INTS2: variants seen among roughly 807,000 people sequenced by gnomAD.
INTS2 encodes integrator complex subunit 2.
Under a neutral mutation model 139.6 loss-of-function variants are expected in INTS2, and 57 were observed. That is an observed-to-expected ratio of 0.41 (90% CI 0.33 to 0.51). The LOEUF (loss-of-function observed/expected upper bound fraction) is 0.51, where lower values mean the gene tolerates loss of function less well. Among genes scored for constraint, INTS2 ranks in the 20% least tolerant of loss-of-function variants. INTS2 has a pLI of 0.28. For synonymous variants in INTS2, 473 were observed against 493.4 expected (o/e 0.96, Z 0.55); for missense variants, 1,196 against 1,436.7 (o/e 0.83, Z 2.71).
intron 19 of INTS2, chr17:61,874,009 T>C (rs192435825): frequency 6.6e-6 from 1 of 152,332 alleles, no homozygotes; most frequent in Admixed American, 6.5e-5. Context: ...AGTACCTTCC[T>C]TGACTCCCTG....
At position 61,872,509 on chromosome 17, in the gene INTS2, T is replaced by G. The variant is rs777037006; in HGVS notation, c.2583-49A>C. On this transcript the variant is annotated intron_variant, in intron 19 of 24. Coordinates refer to ENST00000251334, the MANE Select transcript of INTS2 (RefSeq NM_001351695.2). The surrounding 1 kb of genome is among the most constrained non-coding windows in gnomAD (Gnocchi z 4.8). ...AAAATATATCAGAAAGAATATAAATTTATAAATTAGCCAGAACATGATCAA... is the reference window on the plus strand; with the variant it reads ...AAAATATATCAGAAAGAATATAAATGTATAAATTAGCCAGAACATGATCAA... The G allele has an allele frequency of 8.0e-7, 1 of 1,256,804 alleles. No homozygotes were observed. The highest frequency in any genetic ancestry group is 1.7e-5 in the South Asian group (1 of 59,232). The allele number at this position is 1,256,804 out of a possible 1,614,324, so 77.9% of individuals were successfully genotyped here.
chr17:61,925,402 A>C (rs1889571821), intron 2 of INTS2, among the ~76,000 whole-genome samples: 1 of 151,618 alleles, frequency 6.6e-6, no homozygotes, highest in African/African-American at 2.4e-5. Flanking sequence ...AATATGGTGA[A>C]ACCTCGTCTC....
chr17:61,899,394 G>A (rs1384894675), intron 9 of INTS2, among the ~76,000 whole-genome samples: 1 of 152,016 alleles, frequency 6.6e-6, no homozygotes, highest in Non-Finnish European at 1.5e-5. Flanking sequence ...GGGATTACAG[G>A]TGCCCACCAA....
Position 61,872,490 on chromosome 17 carries a change from T to C in INTS2, c.2583-30A>G, listed in dbSNP as rs774967511. 13 of 1,380,236 alleles carry C rather than the reference T, an allele frequency of 9.4e-6. No individual in the cohort carries two copies. In the East Asian group the frequency reaches 2.4e-4, roughly 26 times the overall value. The allele number at this position is 1,380,236 out of a possible 1,614,324, so 85.5% of individuals were successfully genotyped here. On this transcript the variant is annotated intron_variant, in intron 19 of 24. Transcript: ENST00000251334. This position sits in a 1 kb window ranked among gnomAD's most constrained non-coding sequence, Gnocchi z 4.8. ...ACAAGGAAAGCAGAAAAGAAAAATA[T>C]ATCAGAAAGAATATAAATTTATAAA...
Position 61,920,267 on chromosome 17 carries a change from C to T in INTS2, c.536-754G>A, listed in dbSNP as rs941773927. On this transcript the variant is annotated intron_variant, in intron 4 of 24. Coordinates refer to ENST00000251334, the MANE Select transcript of INTS2 (RefSeq NM_001351695.2). ...CGCAATCTCAGCTCACCGCAACCTC[C>T]GCCTCCAGAGTTCAAGCGATTCTCC... Among the ~76,000 whole-genome samples, 5 of 150,726 alleles carry T rather than the reference C, an allele frequency of 3.3e-5. No individual in the cohort carries two copies. In the East Asian group the frequency reaches 7.9e-4, roughly 24 times the overall value.
In INTS2 at chr17:61,920,472, G is replaced by A. The variant is rs1251083001; in HGVS notation, c.536-959C>T. On this transcript the variant is annotated intron_variant, in intron 4 of 24. Transcript: ENST00000251334. ...GCTGGGATTACAGGCGTGAGCCACC[G>A]TGCCTGGCCTATACTTTTTTTTTTT... Among the ~76,000 whole-genome samples the A allele has an allele frequency of 9.1e-5, 13 of 142,626 alleles. No individual in the cohort carries two copies. In the Middle Eastern group the frequency reaches 0.01, roughly 113 times the overall value. The allele number at this position is 142,626 out of a possible 152,430, so 93.6% of individuals were successfully genotyped here.
intron 7 of INTS2, chr17:61,910,429 C>T (rs1398034277): frequency 6.6e-6 from 1 of 152,034 alleles, no homozygotes; most frequent in Admixed American, 6.6e-5. Context: ...AACCCAGCCT[C>T]TACTCAAAAT....
chr17:61,897,784 C>G lies in INTS2; in HGVS notation c.1308-45G>C, dbSNP rs753562078. ...ATGTCACTGGTTTAAATTAGATATA[C>G]TAGCATATGAATAAAAAGCATTCTG... On this transcript the variant is annotated intron_variant, in intron 9 of 24. Coordinates refer to ENST00000251334, the MANE Select transcript of INTS2 (RefSeq NM_001351695.2). This position sits in a 1 kb window ranked among gnomAD's most constrained non-coding sequence, Gnocchi z 4.4. 8.1e-7 allele frequency: 1 copy of G among 1,240,306 alleles called. No homozygotes were observed. The highest frequency in any genetic ancestry group is 1.2e-6 in the Non-Finnish European group (1 of 868,998). 76.8% of individuals were successfully genotyped at this position (1,240,306 alleles called of 1,614,324 possible).
In INTS2 at chr17:61,871,277, C is replaced by G. The variant is rs930919406; in HGVS notation, c.2778+988G>C. 6.6e-6 allele frequency among the ~76,000 whole-genome samples: 1 copy of G among 152,010 alleles called. No individual in the cohort carries two copies. Among genetic ancestry groups the G allele is most frequent in the Non-Finnish European group, 1.5e-5 (1 of 68,000 alleles). On this transcript the variant is annotated intron_variant, in intron 20 of 24. Transcript: ENST00000251334. This position sits in a 1 kb window ranked among gnomAD's most constrained non-coding sequence, Gnocchi z 4.9. The stretch of plus-strand genomic sequence containing the variant: ...CTGGGACTACAGGTTTGGGCCACCA[C>G]GCCCGGCTAATTTTTGTATTTTTAG...
Position 61,869,801 on chromosome 17 carries a change from A to G in INTS2, c.2966T>C (p.Ile989Thr). Residue 989 changes from isoleucine to threonine, a missense_variant, in exon 21 of 25, where the codon ATC becomes ACC. Transcript: ENST00000251334. This position sits in a 1 kb window ranked among gnomAD's most constrained non-coding sequence, Gnocchi z 5.4. ...LCNLREVQCL[I>T]CCLLHQMYIA... Reference sequence around the variant, plus strand: ...GTACATTTGGTGCAAGAGACAACAGATAAGGCACTGAACTTCTCGAAGGTT... The same window carrying G: ...GTACATTTGGTGCAAGAGACAACAGGTAAGGCACTGAACTTCTCGAAGGTT... 1 of 1,613,902 alleles carries G rather than the reference A, an allele frequency of 6.2e-7. No individual in the cohort carries two copies. The highest frequency in any genetic ancestry group is 2.2e-5 in the East Asian group (1 of 44,866).
rs942814074 is a variant in INTS2 at position 61,873,519 on chromosome 17, C to A, written c.2583-1059G>T. Among the ~76,000 whole-genome samples the A allele has an allele frequency of 3.3e-5, 5 of 152,154 alleles. No individual in the cohort carries two copies. The highest frequency in any genetic ancestry group is 9.7e-5 in the African/African-American group (4 of 41,434). ...TCACCTAAGGTGATTCAGGTGTAAG[C>A]TCACCTATTTCAGTGGATTTTTAAC... On this transcript the variant is annotated intron_variant, in intron 19 of 24. Coordinates refer to ENST00000251334, the MANE Select transcript of INTS2 (RefSeq NM_001351695.2). This position sits in a 1 kb window ranked among gnomAD's most constrained non-coding sequence, Gnocchi z 4.0.
intron 15 of INTS2, among the ~76,000 whole-genome samples, chr17:61,886,374 G>A (rs535292073): frequency 1.3e-5 from 2 of 152,256 alleles, no homozygotes; most frequent in African/African-American, 4.8e-5. Flanking sequence ...ATACGAATTT[G>A]ACTTCCTTCT....
chr17:61,893,740 T>C lies in INTS2; in HGVS notation c.1698+25A>G. Reference sequence around the variant, plus strand: ...ATAAAAATGTAGGGGCATGCTTTTATTTTGTTTTATTTGTAGGGGCATACT... The same window carrying C: ...ATAAAAATGTAGGGGCATGCTTTTACTTTGTTTTATTTGTAGGGGCATACT... On this transcript the variant is annotated intron_variant, in intron 13 of 24. Transcript: ENST00000251334. The surrounding 1 kb of genome is among the most constrained non-coding windows in gnomAD (Gnocchi z 5.4). 6.6e-7 allele frequency: 1 copy of C among 1,510,474 alleles called. No individual in the cohort carries two copies. The highest frequency in any genetic ancestry group is 8.9e-7 in the Non-Finnish European group (1 of 1,127,198). The allele number at this position is 1,510,474 out of a possible 1,614,324, so 93.6% of individuals were successfully genotyped here.
chr17:61,887,109 C>A (rs1567896720), intron 15 of INTS2, among the ~76,000 whole-genome samples: 1 of 152,140 alleles, frequency 6.6e-6, no homozygotes, highest in African/African-American at 2.4e-5. Context: ...CTTCCTTGTG[C>A]CTCAGTGTTC....
intron 19 of INTS2, 130 bp downstream of exon 19, chr17:61,874,783 C>A: frequency 1.8e-6 from 1 of 551,032 alleles, no homozygotes; most frequent in Non-Finnish European, 2.8e-6. Context: ...AGACAAAAAA[C>A]CGCACAGGTC....
chr17:61,890,040 T>C (rs2079274348), intron 14 of INTS2, 146 bp from the exon 15 acceptor site: 6 of 589,648 alleles, frequency 1.0e-5, no homozygotes, highest in African/African-American at 7.5e-5. Flanking sequence ...TGTGTGTGTA[T>C]TAAACTCAAA....
At position 61,878,942 on chromosome 17, in the gene INTS2, A is replaced by AC. The variant is rs1567891519; in HGVS notation, c.2255-855_2255-854insG. On this transcript the variant is annotated intron_variant, in intron 17 of 24. Coordinates refer to ENST00000251334, the MANE Select transcript of INTS2 (RefSeq NM_001351695.2). ...ACAGACCCTGTCTCCAAAAAAAAAA[A>AC]AAAAAAAAAAAACACTTTACTGACC... is the stretch of plus-strand genomic sequence containing the variant. 1.3e-4 allele frequency among the ~76,000 whole-genome samples: 19 copies of AC among 150,416 alleles called. 1 individual carries two copies. The highest frequency in any genetic ancestry group is 4.6e-4 in the African/African-American group (19 of 40,876).
rs2079046793 is a variant in INTS2, at chr17:61,866,415, T to C, written c.*1142A>G. 1.3e-5 allele frequency: 2 copies of C among 148,302 alleles called. No homozygotes were observed. Among genetic ancestry groups the C allele is most frequent in the African/African-American group, 5.0e-5 (2 of 40,154 alleles). 9.2% of individuals were successfully genotyped at this position (148,302 alleles called of 1,614,324 possible). On this transcript the variant is annotated 3_prime_UTR_variant, in exon 25 of 25. Coordinates refer to ENST00000251334, the MANE Select transcript of INTS2 (RefSeq NM_001351695.2). ...TCTGTTTCAAGTGGGGGTGGGGAAG[T>C]GTGTGATTGAGGTATATCTCAGAGA...
chr17:61,883,740 G>A (rs374825210), intron 16 of INTS2, among the ~76,000 whole-genome samples: 51 of 140,242 alleles, frequency 3.6e-4, no homozygotes, highest in African/African-American at 1.2e-3. Flanking sequence ...AGACAAGAGC[G>A]AAACTCCGTC....
Sources: allele counts gnomAD v4.1 joint callset (sites outside exome capture counted in the v4.1 genomes callset), GRCh38; gene constraint gnomAD v4.1.1; non-coding constraint Gnocchi (gnomAD v3.1); transcripts MANE v1.5; gene names NCBI Gene and HGNC (gene_info 2026-07-23, HGNC 2026-07-21).